The following RALGAPA2 variants were observed in gnomAD, a reference collection of about 807,000 sequenced individuals.
RALGAPA2 encodes the protein Ral GTPase activating protein catalytic subunit alpha 2, also known as ral GTPase-activating protein subunit alpha-2.
RALGAPA2 carries 139 observed loss-of-function variants against 230.4 expected under a neutral mutation model. That is an observed-to-expected ratio of 0.60 (90% CI 0.53 to 0.69). RALGAPA2 has a LOEUF of 0.69. Among genes scored for constraint, RALGAPA2 ranks in the 30% least tolerant of loss-of-function variants. RALGAPA2 has a pLI of 0.00. For synonymous variants in RALGAPA2, 847 were observed against 837.8 expected (o/e 1.01, Z -0.19); for missense variants, 2,163 against 2,276.0 (o/e 0.95, Z 1.01).
intron 4 of RALGAPA2, among the ~76,000 whole-genome samples, chr20:20,644,018 T>C (rs2067127436): frequency 6.6e-6 from 1 of 152,188 alleles, no homozygotes; most frequent in African/African-American, 2.4e-5. Context: ...TTGGTCACTG[T>C]CAAGGAGGCA....
chr20:20,674,771 C>T (rs1185689092), intron 3 of RALGAPA2, among the ~76,000 whole-genome samples: 1 of 152,150 alleles, frequency 6.6e-6, no homozygotes, highest in African/African-American at 2.4e-5. Flanking sequence ...ATTTCTATTA[C>T]ACTCAAAACA....
intron 13 of RALGAPA2, among the ~76,000 whole-genome samples, chr20:20,612,225 T>A (rs909004698): frequency 2.0e-5 from 3 of 152,202 alleles, no homozygotes; most frequent in Admixed American, 6.5e-5. Flanking sequence ...ATCTGCTCAC[T>A]TTTTCTTTCC....
chr20:20,587,105 C>G (rs78092393), intron 18 of RALGAPA2, among the ~76,000 whole-genome samples: 12 of 152,106 alleles, frequency 7.9e-5, no homozygotes, highest in Non-Finnish European at 1.3e-4. Context: ...ACATACGAAC[C>G]AAAAGATTCC....
At chr20:20,644,005 G>T (rs991484871) in intron 4 of RALGAPA2, among the ~76,000 whole-genome samples, 8 of 152,122 alleles carry the variant, frequency 5.3e-5, no homozygotes, top group African/African-American at 1.9e-4. Context: ...CTAGCAGAGC[G>T]CTTTGGTCAC....
intron 35 of RALGAPA2, among the ~76,000 whole-genome samples, chr20:20,501,365 G>T (rs1303136462): frequency 1.3e-5 from 2 of 152,236 alleles, no homozygotes; most frequent in Non-Finnish European, 2.9e-5. Context: ...GCTTCTGCAT[G>T]AGCACTTAAT....
At chr20:20,486,405 A>G (rs1341473478) in intron 36 of RALGAPA2, among the ~76,000 whole-genome samples, 1 of 152,076 alleles carries the variant, frequency 6.6e-6, no homozygotes, top group Non-Finnish European at 1.5e-5. Flanking sequence ...TCCTTTCAAC[A>G]CAATAAATAT....
chr20:20,566,433 T>C (rs1387990231), intron 23 of RALGAPA2, among the ~76,000 whole-genome samples: 3 of 152,202 alleles, frequency 2.0e-5, no homozygotes, highest in Non-Finnish European at 4.4e-5. Context: ...CCACACGTTG[T>C]AAAATTCCAC....
At chr20:20,457,270 C>T (rs567423108) in intron 37 of RALGAPA2, among the ~76,000 whole-genome samples, 1 of 152,276 alleles carries the variant, frequency 6.6e-6, no homozygotes, top group Non-Finnish European at 1.5e-5. Flanking sequence ...TTACATGAGC[C>T]TCCAAACTGA....
intron 14 of RALGAPA2, among the ~76,000 whole-genome samples, chr20:20,610,679 T>C (rs377390923): frequency 7.9e-5 from 12 of 152,176 alleles, no homozygotes; most frequent in East Asian, 5.8e-4. Context: ...GCAAGAACTC[T>C]GCAAAGCCTT....
intron 24 of RALGAPA2, among the ~76,000 whole-genome samples, chr20:20,543,431 G>A (rs540035332): frequency 7.9e-5 from 12 of 152,238 alleles, no homozygotes; most frequent in East Asian, 7.7e-4. Context: ...ACATGCACAC[G>A]TGTGTTTATA....
At chr20:20,456,132 A>G (rs955378270) in intron 37 of RALGAPA2, among the ~76,000 whole-genome samples, 5 of 152,228 alleles carry the variant, frequency 3.3e-5, no homozygotes, top group Admixed American at 2.6e-4. Context: ...ATATTAAGTC[A>G]TTTCCTCCCA....
In RALGAPA2 at chr20:20,571,387, A is replaced by G. The variant is rs1225876956; in HGVS notation, c.3156+71T>C. ...CTTCTGATGTATTTTCATAAATATT[A>G]CTAATGTCTTTAAAGAGTGATATGC... On this transcript the variant is annotated intron_variant, in intron 23 of 39. Transcript: ENST00000202677. 4.2e-6 allele frequency: 6 copies of G among 1,433,152 alleles called. No homozygotes were observed. The East Asian group carries it at 1.4e-4, about 34-fold the overall frequency. The allele number at this position is 1,433,152 out of a possible 1,614,324, so 88.8% of individuals were successfully genotyped here.
intron 37 of RALGAPA2, among the ~76,000 whole-genome samples, chr20:20,440,653 CG>C (rs1569402657): frequency 6.6e-6 from 1 of 152,232 alleles, no homozygotes; most frequent in Non-Finnish European, 1.5e-5. Flanking sequence ...TTCTCGCCCC[CG>C]GCCATACTGT....
At chr20:20,513,389 A>G in intron 31 of RALGAPA2, 105 bp from the exon 32 acceptor site, 2 of 958,484 alleles carry the variant, frequency 2.1e-6, no homozygotes, top group Non-Finnish European at 2.8e-6. Flanking sequence ...AATATGGTAG[A>G]TTACAGGCTT....
intron 10 of RALGAPA2, among the ~76,000 whole-genome samples, chr20:20,622,290 G>A (rs548075990): frequency 6.6e-6 from 1 of 152,056 alleles, no homozygotes; most frequent in African/African-American, 2.4e-5. Context: ...AAAAGATGGG[G>A]GAAAGAAACA....
At chr20:20,570,924 A>G (rs2064608753) in intron 23 of RALGAPA2, among the ~76,000 whole-genome samples, 1 of 152,226 alleles carries the variant, frequency 6.6e-6, no homozygotes, top group Non-Finnish European at 1.5e-5. Context: ...ACAAGGAGGA[A>G]GAGGTAGCTA....
chr20:20,512,448 T>C, intron 32 of RALGAPA2, 65 bp downstream of exon 32: 1 of 1,407,268 alleles, frequency 7.1e-7, no homozygotes, highest in South Asian at 1.5e-5. Flanking sequence ...AACCACAAAC[T>C]GATAAAAAGA....
chr20:20,659,635 A>G, intron 3 of RALGAPA2: 1 of 292,778 alleles, frequency 3.4e-6, no homozygotes, highest in Non-Finnish European at 6.6e-6. Context: ...TATATTCCTA[A>G]AACAACTAAC....
At chr20:20,633,385 T>C (rs1463425561) in intron 9 of RALGAPA2, among the ~76,000 whole-genome samples, 1 of 152,222 alleles carries the variant, frequency 6.6e-6, no homozygotes, top group African/African-American at 2.4e-5. Flanking sequence ...TCTGCCTGTC[T>C]TGGCCTCCCA....
Sources: gnomAD v4.1 joint callset for allele counts (sites outside exome capture counted in the v4.1 genomes callset) on GRCh38, gnomAD v4.1.1 for gene constraint, MANE v1.5 for transcripts, NCBI Gene and HGNC (gene_info 2026-07-23, HGNC 2026-07-21) for gene names.